The following SPATS2 variants were observed in gnomAD, a reference collection of about 807,000 sequenced individuals.
The protein encoded by SPATS2 is spermatogenesis associated serine rich 2, also known as spermatogenesis-associated serine-rich protein 2.
SPATS2 carries 38 observed loss-of-function variants against 63.7 expected under a neutral mutation model. That is an observed-to-expected ratio of 0.60 (90% CI 0.46 to 0.78). The LOEUF (loss-of-function observed/expected upper bound fraction) is 0.78, where lower values mean the gene tolerates loss of function less well. Among genes scored for constraint, SPATS2 ranks in the 30% least tolerant of loss-of-function variants. The probability of loss-of-function intolerance (pLI) is 0.00; values close to 1 mark genes in which losing one functional copy is unlikely to be tolerated. For missense variants in SPATS2, 588 were observed against 666.2 expected, an observed-to-expected ratio of 0.88 and a Z score of 1.29; for synonymous variants, 207 against 232.9, an observed-to-expected ratio of 0.89 and a Z score of 1.01.
At position 49,507,578 on chromosome 12, in the gene SPATS2, T is replaced by C. The variant is rs370537407; in HGVS notation, c.840-6977T>C. On this transcript the variant is annotated intron_variant, in intron 9 of 13. Transcript: ENST00000552918. Reference sequence around the variant, plus strand: ...ATAATTATAATCGTTTTATTAGATATAAGTAAAACTCAAAATTCTACCACC... The same window carrying C: ...ATAATTATAATCGTTTTATTAGATACAAGTAAAACTCAAAATTCTACCACC... 4.6e-5 allele frequency among the ~76,000 whole-genome samples: 7 copies of C among 152,368 alleles called. No homozygotes were observed. In the South Asian group the frequency reaches 1.4e-3, roughly 32 times the overall value.
intron 2 of SPATS2, among the ~76,000 whole-genome samples, chr12:49,451,546 TAAA>T (rs1945623822): frequency 6.6e-6 from 1 of 152,210 alleles, no homozygotes; most frequent in Admixed American, 6.5e-5. Context: ...AGAAGGAAGT[TAAA>T]AAATACATAC....
intron 3 of SPATS2, among the ~76,000 whole-genome samples, chr12:49,473,152 T>C (rs1372801126): frequency 1.3e-5 from 2 of 151,916 alleles, no homozygotes; most frequent in African/African-American, 4.8e-5. Context: ...TGGTGGCTCA[T>C]GCCTATAATC....
rs747766224 is a variant in SPATS2 at position 49,522,786 on chromosome 12, G to A, written c.1044G>A (p.Leu348=). ...GTGAACGTAAATATGATGAGGATCT[G>A]GGACGAGTAGCCCGGTTCACCTGTG... The part of the protein sequence containing the change: ...FVSERKYDED[L]GRVARFTCDV... Residue 348 remains leucine, a synonymous_variant, in exon 12 of 14, where the codon CTG becomes CTA. Coordinates refer to ENST00000552918, the MANE Select transcript of SPATS2 (RefSeq NM_023071.4). The A allele has an allele frequency of 1.2e-6, 2 of 1,613,860 alleles. No individual in the cohort carries two copies. The highest frequency in any genetic ancestry group is 4.5e-5 in the East Asian group (2 of 44,872).
chr12:49,374,803 A>G (rs1176992251), intron 2 of SPATS2, among the ~76,000 whole-genome samples: 2 of 152,012 alleles, frequency 1.3e-5, no homozygotes, highest in Non-Finnish European at 2.9e-5. Context: ...TCTACTAAAA[A>G]TACAAAAATT....
chr12:49,398,425 A>G (rs529357925), intron 2 of SPATS2, among the ~76,000 whole-genome samples: 60 of 152,270 alleles, frequency 3.9e-4, no homozygotes, highest in Admixed American at 8.5e-4. Context: ...GGAAGATTGA[A>G]GTCCTAATAG....
chr12:49,494,996 A>G lies in SPATS2; in HGVS notation c.520A>G (p.Arg174Gly). The G allele has an allele frequency of 1.3e-6, 2 of 1,579,386 alleles. No homozygotes were observed. Among genetic ancestry groups the G allele is most frequent in the South Asian group, 1.2e-5 (1 of 86,118 alleles). The change falls in exon 7 of 14, where the codon AGA (arginine) becomes GGA (glycine). Residue 174 changes from arginine to glycine, a missense_variant. Physicochemically the swap from Arg to Gly is moderately radical, Grantham distance 125. Transcript: ENST00000552918. ...PESAMLDTLD[R>G]TGSMLQNGVS... ...GTCTGCCATGCTAGATACGCTGGAT[A>G]GAACAGGTGAGTTTATTAACAGATT...
At chr12:49,435,344 A>G (rs955465453) in intron 2 of SPATS2, among the ~76,000 whole-genome samples, 3 of 129,230 alleles carry the variant, frequency 2.3e-5, no homozygotes, top group African/African-American at 6.0e-5. Context: ...TTTTTTTTAA[A>G]GATAAGGTCT....
chr12:49,470,012 T>C (rs540467079), intron 3 of SPATS2, among the ~76,000 whole-genome samples: 1 of 152,292 alleles, frequency 6.6e-6, no homozygotes, highest in Non-Finnish European at 1.5e-5. Context: ...CAAGATTTTA[T>C]TCTGGCTACC....
intron 2 of SPATS2, among the ~76,000 whole-genome samples, chr12:49,383,368 T>G (rs1376212944): frequency 6.6e-6 from 1 of 152,074 alleles, no homozygotes; most frequent in Non-Finnish European, 1.5e-5. Context: ...CTTTTTCTTT[T>G]TAATATATGT....
At chr12:49,447,794 A>C (rs963009854) in intron 2 of SPATS2, among the ~76,000 whole-genome samples, 2 of 152,006 alleles carry the variant, frequency 1.3e-5, no homozygotes, top group African/African-American at 4.8e-5. Context: ...TAATCCCTTG[A>C]ATTTTTGTAG....
chr12:49,396,065 C>T (rs1378317906), intron 2 of SPATS2, among the ~76,000 whole-genome samples: 1 of 152,226 alleles, frequency 6.6e-6, no homozygotes, highest in East Asian at 1.9e-4. Context: ...CATGTTGTCA[C>T]ATGTGGCAGG....
At chr12:49,401,205 C>T (rs1944599842) in intron 2 of SPATS2, among the ~76,000 whole-genome samples, 1 of 152,066 alleles carries the variant, frequency 6.6e-6, no homozygotes, top group African/African-American at 2.4e-5. Context: ...GAGACAAGGT[C>T]TCCCTATGTT....
intron 3 of SPATS2, among the ~76,000 whole-genome samples, chr12:49,471,760 C>T (rs1320665641): frequency 6.6e-6 from 1 of 152,160 alleles, no homozygotes; most frequent in African/African-American, 2.4e-5. Context: ...ACTCTATACC[C>T]ATTAAACAGT....
chr12:49,376,314 G>T (rs1944101515), intron 2 of SPATS2, among the ~76,000 whole-genome samples: 3 of 151,754 alleles, frequency 2.0e-5, no homozygotes, highest in Admixed American at 2.0e-4. Flanking sequence ...TGTTGACCAG[G>T]CTGGTCTTGA....
At chr12:49,382,218 A>G (rs916904410) in intron 2 of SPATS2, among the ~76,000 whole-genome samples, 2 of 152,382 alleles carry the variant, frequency 1.3e-5, no homozygotes, top group East Asian at 1.9e-4. Flanking sequence ...TTTAGCCATT[A>G]AAATCTGTTA....
chr12:49,391,133 A>AT (rs1359965671), intron 2 of SPATS2, among the ~76,000 whole-genome samples: 1 of 152,170 alleles, frequency 6.6e-6, no homozygotes, highest in African/African-American at 2.4e-5. Context: ...AACCTGTAAG[A>AT]TTTTTCTTAA....
At chr12:49,505,059 C>A (rs1236470065) in intron 9 of SPATS2, among the ~76,000 whole-genome samples, 2 of 151,090 alleles carry the variant, frequency 1.3e-5, no homozygotes, top group African/African-American at 4.9e-5. Context: ...CCACCTCGCC[C>A]AGCTCAGAGC....
upstream of SPATS2, chr12:49,367,252 C>G (rs1471282721): frequency 1.4e-5 from 4 of 294,010 alleles, no homozygotes; most frequent in East Asian, 1.1e-4. Context: ...CGCGCCGGCG[C>G]GAGTACGCGC....
intron 4 of SPATS2, among the ~76,000 whole-genome samples, chr12:49,485,507 G>A (rs1469398110): frequency 6.0e-5 from 9 of 150,612 alleles, no homozygotes; most frequent in Admixed American, 1.3e-4. Context: ...GATTACAGGC[G>A]TGCATCATCA....
Sources: gnomAD v4.1 joint callset for allele counts (sites outside exome capture counted in the v4.1 genomes callset) on GRCh38, gnomAD v4.1.1 for gene constraint, MANE v1.5 for transcripts, NCBI Gene and HGNC (gene_info 2026-07-23, HGNC 2026-07-21) for gene names.